Variants in DENND1A observed in about 807,000 individuals in gnomAD.
The protein encoded by DENND1A is DENN domain containing 1A, also known as DENN domain-containing protein 1A.
Under a neutral mutation model 113.7 loss-of-function variants are expected in DENND1A, and 51 were observed. The observed-to-expected ratio is 0.45, with a 90% CI of 0.36 to 0.57. The LOEUF is 0.57. DENND1A is among the 20% of genes least tolerant of loss of function. The probability of loss-of-function intolerance (pLI) is 0.00; values close to 1 mark genes in which losing one functional copy is unlikely to be tolerated. For synonymous variants in DENND1A, 565 were observed against 570.8 expected, an observed-to-expected ratio of 0.99 and a Z score of 0.14; for missense variants, 1,258 against 1,395.9, an observed-to-expected ratio of 0.90 and a Z score of 1.57.
Position 123,652,119 on chromosome 9 carries a change from T to G in DENND1A, c.512A>C (p.Asn171Thr). ...RELPSIPENR[N>T]LTEYFVAVDV... ...CACAGCCACAAAATATTCTGTCAGA[T>G]TTCTCTAGGAGAAAGAAGAAGGCAC... is the stretch of plus-strand genomic sequence containing the variant. Residue 171 changes from asparagine (N) to threonine (T), a missense_variant, in exon 9 of 24, where the codon AAT (asparagine) becomes ACT (threonine). Asn to Thr is a moderately conservative substitution (Grantham distance 65). This residue lies in a region of DENND1A where 1,159 missense variants were observed against 1,231.7 expected (regional missense o/e 0.94). Transcript: ENST00000394215. 1 of 1,614,082 alleles carries G rather than the reference T, an allele frequency of 6.2e-7. No homozygotes were observed. Among genetic ancestry groups the G allele is most frequent in the Non-Finnish European group, 8.5e-7 (1 of 1,179,944 alleles).
At chr9:123,827,866 A>G (rs1050700911) in intron 2 of DENND1A, among the ~76,000 whole-genome samples, 1 of 152,212 alleles carries the variant, frequency 6.6e-6, no homozygotes, top group Non-Finnish European at 1.5e-5. Context: ...GGGATGAGAC[A>G]ATTGCTAGCA....
intron 21 of DENND1A, among the ~76,000 whole-genome samples, chr9:123,392,953 A>C (rs1168663222): frequency 6.6e-6 from 1 of 152,206 alleles, no homozygotes; most frequent in Non-Finnish European, 1.5e-5. Flanking sequence ...TGAGAATAAG[A>C]GTCTCCAATC....
chr9:123,652,453 A>G (rs913784), intron 8 of DENND1A, among the ~76,000 whole-genome samples: 3,648 of 152,348 alleles, frequency 0.024, 62 homozygotes, highest in South Asian at 0.058. Context: ...CCAAGACTCA[A>G]AGAGATTCTC....
At chr9:123,497,595 T>C (rs768607956) in intron 13 of DENND1A, among the ~76,000 whole-genome samples, 10 of 152,188 alleles carry the variant, frequency 6.6e-5, no homozygotes, top group Non-Finnish European at 1.0e-4. Flanking sequence ...AGTGCTGGGA[T>C]AGAAGGGCAT....
At chr9:123,830,873 GAAAAAA>G (rs71390447) in intron 2 of DENND1A, among the ~76,000 whole-genome samples, 8 of 39,314 alleles carry the variant, frequency 2.0e-4, no homozygotes, top group African/African-American at 6.2e-4. Flanking sequence ...TCTCAAAAAT[GAAAAAA>G]AAAAAAAAAA....
chr9:123,679,011 A>C (rs964597323), intron 5 of DENND1A, among the ~76,000 whole-genome samples: 16 of 152,218 alleles, frequency 1.1e-4, no homozygotes, highest in African/African-American at 3.4e-4. Flanking sequence ...TCAGTAAACA[A>C]ATTTGACCAA....
At chr9:123,650,950 A>C (rs2062616725) in intron 9 of DENND1A, among the ~76,000 whole-genome samples, 1 of 149,864 alleles carries the variant, frequency 6.7e-6, no homozygotes, top group Non-Finnish European at 1.5e-5. Flanking sequence ...AATGGATGCT[A>C]TGGATGATAA....
At chr9:123,779,192 A>C (rs1248974901) in intron 3 of DENND1A, among the ~76,000 whole-genome samples, 2 of 152,238 alleles carry the variant, frequency 1.3e-5, no homozygotes, top group Non-Finnish European at 2.9e-5. Context: ...CAATATTGAA[A>C]GAGCAGAAAG....
rs1857766369 is a variant in DENND1A at position 123,930,042 on chromosome 9, G to A, written c.-137C>T. ...CTCAGGCTGGGGCCCGCCCGCTCGA[G>A]GCTCGCTCCCTCGCCGCCGCCGCCG... On this transcript the variant is annotated 5_prime_UTR_variant, in exon 1 of 24. Coordinates refer to ENST00000394215, the MANE Select transcript of DENND1A (RefSeq NM_001352964.2). 1 of 215,932 alleles carries A rather than the reference G, an allele frequency of 4.6e-6. No homozygotes were observed. Among genetic ancestry groups the A allele is most frequent in the African/African-American group, 2.4e-5 (1 of 42,226 alleles). The allele number at this position is 215,932 out of a possible 1,614,324, so 13.4% of individuals were successfully genotyped here. A position where few individuals can be genotyped will look rare whatever the true frequency, so the allele number is the denominator to read the frequency against.
At chr9:123,727,714 G>GA (rs57183663) in intron 5 of DENND1A, among the ~76,000 whole-genome samples, 11 of 145,534 alleles carry the variant, frequency 7.6e-5, no homozygotes, top group East Asian at 6.0e-4. Flanking sequence ...ATAAGGGAAA[G>GA]AAAAAAAAAA....
intron 2 of DENND1A, among the ~76,000 whole-genome samples, chr9:123,844,985 G>A (rs1413091922): frequency 6.6e-6 from 1 of 152,186 alleles, no homozygotes; most frequent in East Asian, 1.9e-4. Flanking sequence ...TTGGGAGGCT[G>A]AGGTGGACAG....
At chr9:123,579,595 G>A (rs779484769) in intron 12 of DENND1A, among the ~76,000 whole-genome samples, 2 of 152,134 alleles carry the variant, frequency 1.3e-5, no homozygotes, top group Non-Finnish European at 2.9e-5. Flanking sequence ...AGATTAGGTG[G>A]TGTTTAGGAG....
intron 1 of DENND1A, among the ~76,000 whole-genome samples, chr9:123,891,675 C>G (rs181563010): frequency 1.3e-5 from 2 of 152,174 alleles, no homozygotes; most frequent in South Asian, 4.2e-4. Context: ...CATCTTATAC[C>G]GGCAGTAGCA....
chr9:123,477,391 T>A (rs2049999637), intron 13 of DENND1A, among the ~76,000 whole-genome samples: 1 of 124,538 alleles, frequency 8.0e-6, no homozygotes, highest in South Asian at 2.3e-4. Context: ...TCTCTATAAA[T>A]TTTTTTTTTT....
rs543345828 is a variant in DENND1A, at chr9:123,556,987, C to T, written c.993+583G>A. Among the ~76,000 whole-genome samples the T allele has an allele frequency of 9.2e-5, 14 of 152,296 alleles. No homozygotes were observed. The East Asian group carries it at 2.7e-3, about 29-fold the overall frequency. Reference sequence around the variant, plus strand: ...AACGAGGCCCAGAAAGGGGGAAGGGCCAGAGGTGGGCAAGGTCACTTCCCG... The same window carrying T: ...AACGAGGCCCAGAAAGGGGGAAGGGTCAGAGGTGGGCAAGGTCACTTCCCG... On this transcript the variant is annotated intron_variant, in intron 13 of 23. Coordinates refer to ENST00000394215, the MANE Select transcript of DENND1A (RefSeq NM_001352964.2).
chr9:123,742,078 T>G (rs1290223058), intron 5 of DENND1A, among the ~76,000 whole-genome samples: 1 of 152,176 alleles, frequency 6.6e-6, no homozygotes. Flanking sequence ...TAAACACAAG[T>G]GCATAGCGCC....
At chr9:123,390,081 G>A (rs182802829) in intron 21 of DENND1A, among the ~76,000 whole-genome samples, 286 of 152,338 alleles carry the variant, frequency 1.9e-3, no homozygotes, top group African/African-American at 6.3e-3. Context: ...GGACTTCTAC[G>A]AAGCCCACTG....
At chr9:123,824,605 G>C (rs1858642) in intron 2 of DENND1A, among the ~76,000 whole-genome samples, 2 of 151,874 alleles carry the variant, frequency 1.3e-5, no homozygotes, top group Non-Finnish European at 2.9e-5. Flanking sequence ...GTAAAGAAAA[G>C]AAAGATGTCA....
rs1564425062 is a variant in DENND1A at position 123,403,415 on chromosome 9, G to T, written c.1618C>A (p.Pro540Thr). 1 of 1,614,118 alleles carries T rather than the reference G, an allele frequency of 6.2e-7. No homozygotes were observed. The highest frequency in any genetic ancestry group is 1.7e-5 in the Admixed American group (1 of 60,026). ...IAVEGRRTSVPSPEHLVKPLR... is the reference protein window; with the variant it reads ...IAVEGRRTSVTSPEHLVKPLR... Reference sequence around the variant, plus strand: ...CACAATACTCACTGCTCAGGGCTCGGCACAGACGTCCTCCGGCCTTCCACT... The same window carrying T: ...CACAATACTCACTGCTCAGGGCTCGTCACAGACGTCCTCCGGCCTTCCACT... Residue 540 changes from proline (P) to threonine (T), a missense_variant, in exon 21 of 24, where the codon CCG (proline) becomes ACG (threonine). Physicochemically the swap from Pro to Thr is conservative, Grantham distance 38 (BLOSUM62 -1). Coordinates refer to ENST00000394215, the MANE Select transcript of DENND1A (RefSeq NM_001352964.2).
Sources: allele counts gnomAD v4.1 joint callset (sites outside exome capture counted in the v4.1 genomes callset), GRCh38; gene constraint gnomAD v4.1.1; regional missense constraint gnomAD v4.1.1; transcripts MANE v1.5; gene names NCBI Gene and HGNC (gene_info 2026-07-23, HGNC 2026-07-21).